FER: variants seen among roughly 807,000 people sequenced by gnomAD.
The protein encoded by FER is tyrosine-protein kinase Fer.
A neutral mutation model predicts 111.0 loss-of-function variants in FER; 63 were observed. The ratio of observed to expected loss-of-function variants is 0.57; its 90% CI spans 0.46 to 0.70. FER has a LOEUF of 0.70. Among genes scored for constraint, FER ranks in the 30% least tolerant of loss-of-function variants. FER has a pLI of 0.00. For synonymous variants in FER, 327 were observed against 313.9 expected (o/e 1.04, Z -0.44); for missense variants, 914 against 954.0 (o/e 0.96, Z 0.55).
chr5:109,186,468 T>A, intron 19 of FER, 146 bp downstream of exon 19: 1 of 1,167,302 alleles, frequency 8.6e-7, no homozygotes, highest in Non-Finnish European at 1.2e-6. Context: ...CAGATTTATC[T>A]AACATCTCTG....
intron 10 of FER, among the ~76,000 whole-genome samples, chr5:108,938,326 A>G (rs72793926): frequency 0.12 from 18,950 of 152,012 alleles, 1,235 homozygotes; most frequent in Middle Eastern, 0.17. Flanking sequence ...ACCTTTGTTA[A>G]TTCTAAAGAA....
At chr5:108,977,644 C>T (rs1011386294) in intron 13 of FER, among the ~76,000 whole-genome samples, 3 of 152,156 alleles carry the variant, frequency 2.0e-5, no homozygotes, top group Non-Finnish European at 2.9e-5. Flanking sequence ...TTAACACTAT[C>T]CATTCTATTA....
chr5:108,846,386 A>C (rs1425004047), intron 5 of FER, among the ~76,000 whole-genome samples: 3 of 151,942 alleles, frequency 2.0e-5, no homozygotes, highest in Non-Finnish European at 4.4e-5. Context: ...GTTATATGCC[A>C]TTGTACTCCA....
At chr5:109,159,713 A>G (rs540285551) in intron 17 of FER, among the ~76,000 whole-genome samples, 2 of 152,302 alleles carry the variant, frequency 1.3e-5, no homozygotes, top group South Asian at 4.1e-4. Flanking sequence ...AAAAGGAAGT[A>G]GTTTTACTTG....
intron 8 of FER, among the ~76,000 whole-genome samples, chr5:108,873,012 C>A (rs1321268440): frequency 6.6e-6 from 1 of 152,156 alleles, no homozygotes; most frequent in East Asian, 1.9e-4. Flanking sequence ...CAAATGTCCC[C>A]ACCTAATATA....
intron 13 of FER, among the ~76,000 whole-genome samples, chr5:108,993,303 G>A (rs977952537): frequency 3.3e-5 from 5 of 152,358 alleles, no homozygotes; most frequent in Non-Finnish European, 5.9e-5. Context: ...TCGGGAGGCC[G>A]AGGCTGGCGG....
intron 16 of FER, among the ~76,000 whole-genome samples, chr5:109,053,895 G>A (rs1272184524): frequency 6.6e-6 from 1 of 151,948 alleles, no homozygotes; most frequent in Non-Finnish European, 1.5e-5. Context: ...GTTTCACCAT[G>A]TTAGCCAGGA....
In FER at chr5:109,180,869, T is replaced by G; in HGVS notation, c.2171T>G (p.Ile724Ser). The G allele has an allele frequency of 6.2e-7, 1 of 1,613,130 alleles. No homozygotes were observed. Among genetic ancestry groups the G allele is most frequent in the Non-Finnish European group, 8.5e-7 (1 of 1,179,554 alleles). Reference sequence around the variant, plus strand: ...TCTTCTGGCTTAAAGCAGATTCCCATTAAATGGACAGCACCGGAAGCTCTT... The same window carrying G: ...TCTTCTGGCTTAAAGCAGATTCCCAGTAAATGGACAGCACCGGAAGCTCTT... Reference protein sequence around the residue: ...YSSSGLKQIPIKWTAPEALNY... With the variant: ...YSSSGLKQIPSKWTAPEALNY... The change falls in exon 18 of 20, where the codon ATT becomes AGT. Residue 724 changes from isoleucine to serine, a missense_variant. Coordinates refer to ENST00000281092, the MANE Select transcript of FER (RefSeq NM_005246.4).
rs575574635 is a variant in FER, at chr5:109,122,613, A to G, written c.2048+22094A>G. Among the ~76,000 whole-genome samples, 60 of 152,044 alleles carry G rather than the reference A, an allele frequency of 3.9e-4. 1 individual carries two copies. The highest frequency in any genetic ancestry group is 1.4e-3 in the African/African-American group (57 of 41,424). ...TGGTATATAGTGCCGATTAAGTTCA[A>G]TGTGTCTTTGTTCATTTTCTGTATG... On this transcript the variant is annotated intron_variant, in intron 17 of 19. Coordinates refer to ENST00000281092, the MANE Select transcript of FER (RefSeq NM_005246.4).
intron 16 of FER, among the ~76,000 whole-genome samples, chr5:109,055,710 C>T (rs1333021533): frequency 6.7e-6 from 1 of 149,038 alleles, no homozygotes; most frequent in African/African-American, 2.5e-5. Flanking sequence ...TTATTTAAGC[C>T]AGGGAGGTTG....
intron 17 of FER, among the ~76,000 whole-genome samples, chr5:109,117,375 G>T (rs998244871): frequency 7.1e-6 from 1 of 140,790 alleles, no homozygotes; most frequent in Non-Finnish European, 1.7e-5. Context: ...TGTGAAACAG[G>T]GAAATATCAA....
At chr5:109,159,574 A>G (rs1336224438) in intron 17 of FER, among the ~76,000 whole-genome samples, 1 of 152,214 alleles carries the variant, frequency 6.6e-6, no homozygotes, top group East Asian at 1.9e-4. Flanking sequence ...TTTATAAGAC[A>G]ATAATTGTCA....
At chr5:108,868,841 A>T (rs1412685520) in intron 6 of FER, among the ~76,000 whole-genome samples, 2 of 152,160 alleles carry the variant, frequency 1.3e-5, no homozygotes, top group Non-Finnish European at 2.9e-5. Flanking sequence ...TTAGCACATA[A>T]GCTCTTAGGT....
At chr5:109,037,600 A>G (rs1464039986) in intron 14 of FER, 122 bp downstream of exon 14, 4 of 663,300 alleles carry the variant, frequency 6.0e-6, no homozygotes, top group African/African-American at 3.7e-5. Flanking sequence ...CATTAACTAG[A>G]ACACAATGCT....
At chr5:108,886,327 G>A (rs1450670379) in intron 9 of FER, among the ~76,000 whole-genome samples, 1 of 151,118 alleles carries the variant, frequency 6.6e-6, no homozygotes, top group Non-Finnish European at 1.5e-5. Flanking sequence ...TTGAAGGGTA[G>A]TGGATATATG....
chr5:108,878,350 C>T (rs1017791047), intron 8 of FER, among the ~76,000 whole-genome samples: 3 of 152,038 alleles, frequency 2.0e-5, no homozygotes, highest in Non-Finnish European at 4.4e-5. Context: ...ACCATCACTA[C>T]CTTCTAGGTT....
intron 11 of FER, among the ~76,000 whole-genome samples, chr5:108,946,967 A>C (rs1757069910): frequency 6.6e-6 from 1 of 151,980 alleles, no homozygotes; most frequent in African/African-American, 2.4e-5. Flanking sequence ...TTTTGCATGT[A>C]GTTTCTTCCA....
chr5:109,025,231 A>G (rs1241065839), intron 13 of FER, among the ~76,000 whole-genome samples: 1 of 151,928 alleles, frequency 6.6e-6, no homozygotes, highest in African/African-American at 2.4e-5. Context: ...TTTTCATGAT[A>G]TTGATTCTTC....
At chr5:109,135,788 G>T (rs1188985795) in intron 17 of FER, among the ~76,000 whole-genome samples, 1 of 152,118 alleles carries the variant, frequency 6.6e-6, no homozygotes, top group African/African-American at 2.4e-5. Flanking sequence ...AGTTGCCTTT[G>T]GCTGACACTT....
Sources: gnomAD v4.1 joint callset for allele counts (sites outside exome capture counted in the v4.1 genomes callset) on GRCh38, gnomAD v4.1.1 for gene constraint, MANE v1.5 for transcripts, NCBI Gene and HGNC (gene_info 2026-07-23, HGNC 2026-07-21) for gene names.